Variants in RP1 observed in about 807,000 individuals in gnomAD.
RP1 encodes the protein oxygen-regulated protein 1.
A neutral mutation model predicts 14.8 loss-of-function variants in RP1; 16 were observed. That is an observed-to-expected ratio of 1.08 (90% CI 0.73 to 1.65). The LOEUF (loss-of-function observed/expected upper bound fraction) is 1.65, where lower values mean the gene tolerates loss of function less well. Among genes scored for constraint, RP1 ranks in the 40% most tolerant of loss-of-function variants. RP1 has a pLI of 0.00. For missense variants in RP1, 2,631 were observed against 2,535.0 expected (o/e 1.04, Z -0.81); for synonymous variants, 876 against 883.6 (o/e 0.99, Z 0.15).
At chr8:54,670,469 A>T (rs1427270548) in intron 7 of RP1, among the ~76,000 whole-genome samples, 1 of 146,320 alleles carries the variant, frequency 6.8e-6, no homozygotes, top group African/African-American at 2.5e-5. Flanking sequence ...GTATACCTAC[A>T]TATATAGGTT....
intron 15 of RP1, among the ~76,000 whole-genome samples, chr8:54,717,126 G>A (rs759743606): frequency 1.4e-4 from 21 of 152,140 alleles, no homozygotes; most frequent in East Asian, 5.8e-4. Flanking sequence ...CAGGTGTCCC[G>A]TCCTCCAGGT....
chr8:54,727,966 G>GA (rs1197921332), intron 17 of RP1, among the ~76,000 whole-genome samples: 1 of 152,004 alleles, frequency 6.6e-6, no homozygotes, highest in Non-Finnish European at 1.5e-5. Context: ...CAAAGACTGA[G>GA]AAAATGGAGA....
rs142943914 is a variant in RP1, at chr8:54,783,091, CA to C, written c.3452-455del. On this transcript the variant is annotated intron_variant, in intron 23 of 28. Coordinates refer to the RP1 transcript ENST00000637698. ...TTTTGCCTTGTTTTTATATCTTCTA[CA>C]TCCTTAGCACTATCTGCTAGGATCA... Among the ~76,000 whole-genome samples, 251 of 152,238 alleles carry C rather than the reference CA, an allele frequency of 1.6e-3. 7 individuals carry two copies. In the East Asian group the frequency reaches 0.042, roughly 25 times the overall value.
intron 24 of RP1, among the ~76,000 whole-genome samples, chr8:54,826,038 C>T (rs921597186): frequency 1.2e-4 from 18 of 152,082 alleles, no homozygotes; most frequent in Admixed American, 3.3e-4. Flanking sequence ...CACTGCACTC[C>T]AGCCTTGGTG....
At chr8:54,770,237 C>G (rs1370575445), downstream of RP1, 3 of 399,056 alleles carry the variant, frequency 7.5e-6, no homozygotes, top group Non-Finnish European at 1.3e-5. Flanking sequence ...AGATTACCAG[C>G]CTTACACATT....
chr8:54,810,229 T>C (rs1444898849), intron 24 of RP1, among the ~76,000 whole-genome samples: 1 of 152,230 alleles, frequency 6.6e-6, no homozygotes, highest in African/African-American at 2.4e-5. Context: ...TAGAGTACCC[T>C]GCTTCTCATA....
chr8:54,586,502 G>T (rs1402976310), intron 1 of RP1, among the ~76,000 whole-genome samples: 1 of 152,216 alleles, frequency 6.6e-6, no homozygotes, highest in East Asian at 1.9e-4. Context: ...TGTGCTGGGA[G>T]AACCACTAGT....
chr8:54,797,143 A>G (rs1239870954), intron 24 of RP1, among the ~76,000 whole-genome samples: 1 of 152,170 alleles, frequency 6.6e-6, no homozygotes, highest in Non-Finnish European at 1.5e-5. Context: ...CTGGAGAGAC[A>G]TTTTTGTATG....
In RP1 at chr8:54,647,164, G is replaced by A. The variant is rs75918203; in HGVS notation, c.788-1821G>A. On this transcript the variant is annotated intron_variant, in intron 3 of 22. Coordinates refer to the RP1 transcript ENST00000636932. ...AGTGGCTCATGCCTGTAATCGTAGC[G>A]TAGCACTTTGAGGGGCCAAGGTGGG... is the stretch of plus-strand genomic sequence containing the variant. 2.0e-3 allele frequency among the ~76,000 whole-genome samples: 307 copies of A among 152,140 alleles called. No individual in the cohort carries two copies. In the East Asian group the frequency reaches 0.021, roughly 10 times the overall value.
intron 23 of RP1, among the ~76,000 whole-genome samples, chr8:54,782,152 A>G (rs1348183282): frequency 1.3e-5 from 2 of 152,314 alleles, no homozygotes; most frequent in East Asian, 3.9e-4. Flanking sequence ...AATGGGACTT[A>G]GTTTTAGATT....
chr8:54,707,377 C>A (rs2129345480), intron 15 of RP1, among the ~76,000 whole-genome samples: 1 of 152,220 alleles, frequency 6.6e-6, no homozygotes, highest in East Asian at 1.9e-4. Context: ...ACTGCCTTGG[C>A]CTCCCAAAGT....
intron 1 of RP1, among the ~76,000 whole-genome samples, chr8:54,606,386 C>T (rs1203974605): frequency 6.6e-6 from 1 of 151,664 alleles, no homozygotes; most frequent in Non-Finnish European, 1.5e-5. Context: ...TCTCTTCTGG[C>T]TTGTAGGGTT....
At chr8:54,849,024 C>G (rs577832615) in intron 25 of RP1, among the ~76,000 whole-genome samples, 2 of 152,124 alleles carry the variant, frequency 1.3e-5, no homozygotes, top group African/African-American at 2.4e-5. Flanking sequence ...CCCGGGATTA[C>G]GGGTGTGAGC....
intron 12 of RP1, among the ~76,000 whole-genome samples, chr8:54,684,507 T>C (rs905338982): frequency 6.6e-6 from 1 of 152,048 alleles, no homozygotes; most frequent in African/African-American, 2.4e-5. Context: ...TTCATCTATT[T>C]TGGGATTCAG....
chr8:54,579,317 G>A (rs1804727656), intron 1 of RP1, among the ~76,000 whole-genome samples: 7 of 152,208 alleles, frequency 4.6e-5, no homozygotes, highest in Admixed American at 4.6e-4. Flanking sequence ...AACCGAGGAT[G>A]AGACTAGTCA....
intron 19 of RP1, among the ~76,000 whole-genome samples, chr8:54,748,832 A>T (rs1436920061): frequency 6.6e-6 from 1 of 152,142 alleles, no homozygotes; most frequent in Non-Finnish European, 1.5e-5. Flanking sequence ...ATCTGTAATG[A>T]GAGTAGAAGT....
intron 1 of RP1, among the ~76,000 whole-genome samples, chr8:54,564,705 C>T (rs987311461): frequency 2.0e-5 from 3 of 152,194 alleles, no homozygotes; most frequent in Admixed American, 6.5e-5. Flanking sequence ...TACCAATACA[C>T]TTTGAGCAAG....
chr8:54,741,638 A>G (rs2129359615), intron 19 of RP1, among the ~76,000 whole-genome samples: 1 of 148,726 alleles, frequency 6.7e-6, no homozygotes, highest in South Asian at 2.1e-4. Flanking sequence ...TAAACAACAC[A>G]TGAATATATA....
intron 22 of RP1, among the ~76,000 whole-genome samples, chr8:54,765,830 T>C (rs113058110): frequency 3.3e-5 from 5 of 152,310 alleles, no homozygotes; most frequent in African/African-American, 1.2e-4. Flanking sequence ...ACTTAGACCT[T>C]TATGCAATTC....
Sources: gnomAD v4.1 joint callset for allele counts (sites outside exome capture counted in the v4.1 genomes callset) on GRCh38, gnomAD v4.1.1 for gene constraint, MANE v1.5 for transcripts, NCBI Gene and HGNC (gene_info 2026-07-23, HGNC 2026-07-21) for gene names.